PDE11A: variants seen among roughly 807,000 people sequenced by gnomAD.
PDE11A encodes phosphodiesterase 11A, also known as dual 3',5'-cyclic-AMP and -GMP phosphodiesterase 11A.
A neutral mutation model predicts 100.5 loss-of-function variants in PDE11A; 100 were observed. The ratio of observed to expected loss-of-function variants is 1.00; its 90% CI spans 0.85 to 1.18. The LOEUF is 1.18. Among genes scored for constraint, PDE11A ranks in the 50% most tolerant of loss-of-function variants. PDE11A has a pLI of 0.00. For synonymous variants in PDE11A, 381 were observed against 420.8 expected, an observed-to-expected ratio of 0.91 and a Z score of 1.16; for missense variants, 1,141 against 1,152.6, an observed-to-expected ratio of 0.99 and a Z score of 0.15.
In PDE11A at chr2:177,743,009, A is replaced by C. The variant is rs186408738; in HGVS notation, c.1789-14837T>G. On this transcript the variant is annotated intron_variant, in intron 10 of 19. Coordinates refer to ENST00000286063, the MANE Select transcript of PDE11A (RefSeq NM_016953.4). ...AATATCAGCTGCTTTTCCTACTCTGATGCTTCTGGAATTCGTGGGTAATGT... is the reference window on the plus strand; with the variant it reads ...AATATCAGCTGCTTTTCCTACTCTGCTGCTTCTGGAATTCGTGGGTAATGT... 2.6e-5 allele frequency among the ~76,000 whole-genome samples: 4 copies of C among 152,332 alleles called. No individual in the cohort carries two copies. The East Asian group carries it at 7.7e-4, about 29-fold the overall frequency.
intron 16 of PDE11A, among the ~76,000 whole-genome samples, chr2:177,676,502 CAGATGGCAGAGCATGCTT>C (rs1450892463): frequency 6.6e-6 from 1 of 152,178 alleles, no homozygotes; most frequent in Non-Finnish European, 1.5e-5. Flanking sequence ...GTCTGCTGCC[CAGATGGCAGAGCATGCTT>C]AGATGGCAGG....
chr2:177,865,633 T>A (rs1201465307), intron 5 of PDE11A, among the ~76,000 whole-genome samples: 1 of 152,072 alleles, frequency 6.6e-6, no homozygotes, highest in Non-Finnish European at 1.5e-5. Context: ...ATAAGAAACA[T>A]ATGATATATC....
At chr2:177,837,506 C>A (rs2083424737) in intron 6 of PDE11A, among the ~76,000 whole-genome samples, 1 of 150,120 alleles carries the variant, frequency 6.7e-6, no homozygotes, top group African/African-American at 2.5e-5. Context: ...TGGAGTCTCG[C>A]TCTGTCGCCC....
At chr2:177,945,945 C>T (rs1245891573) in intron 2 of PDE11A, among the ~76,000 whole-genome samples, 1 of 148,696 alleles carries the variant, frequency 6.7e-6, no homozygotes, top group Admixed American at 6.6e-5. Context: ...CCCGCCCGCC[C>T]CTACTGGGAA....
At chr2:177,798,435 A>T (rs975680573) in intron 9 of PDE11A, among the ~76,000 whole-genome samples, 3 of 152,238 alleles carry the variant, frequency 2.0e-5, no homozygotes, top group African/African-American at 7.2e-5. Context: ...CTTGGCACAT[A>T]ATAGGTGATC....
At chr2:178,082,841 GT>G (rs2087303793) in intron 2 of PDE11A, among the ~76,000 whole-genome samples, 1 of 152,174 alleles carries the variant, frequency 6.6e-6, no homozygotes, top group African/African-American at 2.4e-5. Flanking sequence ...GTGACTGGTT[GT>G]TATCAGTGAA....
intron 2 of PDE11A, among the ~76,000 whole-genome samples, chr2:178,090,511 C>A (rs1439917817): frequency 7.4e-6 from 1 of 135,704 alleles, no homozygotes; most frequent in Non-Finnish European, 1.6e-5. Context: ...ATACTATCTT[C>A]TTTCTACTTC....
At chr2:178,065,697 C>A (rs1381399542) in intron 1 of PDE11A, among the ~76,000 whole-genome samples, 1 of 152,078 alleles carries the variant, frequency 6.6e-6, no homozygotes, top group Non-Finnish European at 1.5e-5. Context: ...CATGAAACTC[C>A]TTTATAATAT....
At chr2:177,748,103 C>T (rs972088780) in intron 10 of PDE11A, among the ~76,000 whole-genome samples, 1 of 152,090 alleles carries the variant, frequency 6.6e-6, no homozygotes, top group East Asian at 1.9e-4. Flanking sequence ...GTCTGGAATA[C>T]GAGGCATTTC....
Position 177,635,029 on chromosome 2 carries a change from G to A in PDE11A, c.2647-5467C>T, listed in dbSNP as rs1450977802. Among the ~76,000 whole-genome samples the A allele has an allele frequency of 2.0e-5, 3 of 152,170 alleles. No individual in the cohort carries two copies. The East Asian group carries it at 5.8e-4, about 29-fold the overall frequency. ...CGGCTGCATCAGCCTCAAGACACCT[G>A]ACTCTCCTCTGTGGCATCCCTGCTG... On this transcript the variant is annotated intron_variant, in intron 19 of 19. Transcript: ENST00000286063.
chr2:177,886,238 A>C (rs568764630), intron 4 of PDE11A, among the ~76,000 whole-genome samples: 1 of 152,252 alleles, frequency 6.6e-6, no homozygotes, highest in Non-Finnish European at 1.5e-5. Flanking sequence ...GCAGCCAGCT[A>C]TGGAGCAATC....
intron 7 of PDE11A, among the ~76,000 whole-genome samples, chr2:177,818,728 A>G (rs1393418556): frequency 6.6e-6 from 1 of 152,012 alleles, no homozygotes; most frequent in African/African-American, 2.4e-5. Context: ...TTTATGAGTG[A>G]TTACTTTTTC....
chr2:177,983,412 G>T (rs539346312), intron 2 of PDE11A, among the ~76,000 whole-genome samples: 1 of 152,288 alleles, frequency 6.6e-6, no homozygotes, highest in East Asian at 1.9e-4. Context: ...ATGGGCTACT[G>T]ATGCACCTTT....
intron 19 of PDE11A, among the ~76,000 whole-genome samples, chr2:177,637,117 G>A (rs954440636): frequency 5.3e-5 from 8 of 152,354 alleles, no homozygotes; most frequent in Middle Eastern, 3.4e-3. Flanking sequence ...TAGGGCCGGG[G>A]CCTAAAGGCC....
chr2:177,807,859 T>G (rs1390283009), intron 9 of PDE11A, among the ~76,000 whole-genome samples: 1 of 152,260 alleles, frequency 6.6e-6, no homozygotes, highest in Non-Finnish European at 1.5e-5. Flanking sequence ...CTGTTTTCAC[T>G]AGTCTTTGTA....
At chr2:177,964,423 C>T (rs6750991) in intron 2 of PDE11A, among the ~76,000 whole-genome samples, 5,710 of 151,954 alleles carry the variant, frequency 0.038, 371 homozygotes, top group African/African-American at 0.13. Flanking sequence ...GGTACATGTG[C>T]AGGTTTGTTA....
chr2:177,785,283 G>T (rs1192036449), intron 9 of PDE11A, among the ~76,000 whole-genome samples: 1 of 143,052 alleles, frequency 7.0e-6, no homozygotes, highest in African/African-American at 2.7e-5. Flanking sequence ...ATGATCATGG[G>T]CCCAGATAGG....
chr2:177,756,512 GT>G (rs1365834202), intron 10 of PDE11A, among the ~76,000 whole-genome samples: 3 of 152,188 alleles, frequency 2.0e-5, no homozygotes, highest in Admixed American at 1.3e-4. Context: ...AGCTTCAGTG[GT>G]TTACGGAGTT....
intron 9 of PDE11A, among the ~76,000 whole-genome samples, chr2:177,810,638 C>G (rs1439131009): frequency 6.7e-6 from 1 of 148,826 alleles, no homozygotes; most frequent in Non-Finnish European, 1.5e-5. Context: ...ATATAATACT[C>G]TTGAGAAGAG....
Sources: gnomAD v4.1 joint callset for allele counts (sites outside exome capture counted in the v4.1 genomes callset) on GRCh38, gnomAD v4.1.1 for gene constraint, MANE v1.5 for transcripts, NCBI Gene and HGNC (gene_info 2026-07-23, HGNC 2026-07-21) for gene names.